Variants in TMEM135 observed in about 807,000 individuals in gnomAD.
TMEM135 encodes the protein peroxisomal membrane protein 52.
Under a neutral mutation model 60.3 loss-of-function variants are expected in TMEM135, and 30 were observed. That is an observed-to-expected ratio of 0.50 (90% CI 0.37 to 0.68). TMEM135 has a LOEUF of 0.68. TMEM135 is among the 30% of genes least tolerant of loss of function. The pLI is 0.00. For synonymous variants in TMEM135, 190 were observed against 186.7 expected (o/e 1.02, Z -0.14); for missense variants, 468 against 548.8 (o/e 0.85, Z 1.47).
intron 1 of TMEM135, among the ~76,000 whole-genome samples, chr11:87,058,374 G>C (rs1949913887): frequency 2.0e-5 from 3 of 151,860 alleles, no homozygotes; most frequent in Admixed American, 1.3e-4. Flanking sequence ...CTGTCACTCA[G>C]GCTGGAGTGC....
chr11:87,241,746 A>G (rs1213491852), intron 6 of TMEM135, among the ~76,000 whole-genome samples: 1 of 151,942 alleles, frequency 6.6e-6, no homozygotes, highest in African/African-American at 2.4e-5. Flanking sequence ...AGCTTTCATA[A>G]ATGAGGGAGA....
At chr11:87,141,593 G>T (rs1363210464) in intron 4 of TMEM135, among the ~76,000 whole-genome samples, 4 of 151,806 alleles carry the variant, frequency 2.6e-5, no homozygotes, top group Non-Finnish European at 4.4e-5. Flanking sequence ...TATTTCACTG[G>T]GTTAGAGCAT....
chr11:87,145,968 T>G lies in TMEM135; in HGVS notation c.397-11373T>G, dbSNP rs937279661. On this transcript the variant is annotated intron_variant, in intron 4 of 14. Coordinates refer to ENST00000305494, the MANE Select transcript of TMEM135 (RefSeq NM_022918.4). ...TTTGTCTATTTTTGTTTTTGTTGCC[T>G]GCACCTTTGGGATCAAATTCAAAAA... 3.3e-5 allele frequency among the ~76,000 whole-genome samples: 5 copies of G among 152,338 alleles called. No individual in the cohort carries two copies. In the South Asian group the frequency reaches 8.3e-4, roughly 25 times the overall value.
intron 1 of TMEM135, among the ~76,000 whole-genome samples, chr11:87,044,389 C>T (rs767856927): frequency 6.6e-6 from 1 of 151,978 alleles, no homozygotes; most frequent in Admixed American, 6.6e-5. Flanking sequence ...TGGTAATAGG[C>T]ATTTGTTTTT....
chr11:87,261,458 G>A (rs111753306), intron 6 of TMEM135, among the ~76,000 whole-genome samples: 92 of 152,094 alleles, frequency 6.0e-4, no homozygotes, highest in African/African-American at 1.6e-3. Context: ...AGAAGTCTCC[G>A]TTTCTTTTTA....
chr11:87,141,923 C>G (rs567294379), intron 4 of TMEM135, among the ~76,000 whole-genome samples: 1 of 152,110 alleles, frequency 6.6e-6, no homozygotes, highest in African/African-American at 2.4e-5. Flanking sequence ...GAAAGATTAG[C>G]TATTGAATGG....
chr11:87,156,297 C>G (rs1033658636), intron 4 of TMEM135, among the ~76,000 whole-genome samples: 22 of 152,024 alleles, frequency 1.4e-4, no homozygotes, highest in African/African-American at 5.3e-4. Context: ...GAAAGTGAGT[C>G]CTTCAACTTT....
At chr11:87,279,552 G>T (rs1383695633) in intron 6 of TMEM135, among the ~76,000 whole-genome samples, 2 of 152,190 alleles carry the variant, frequency 1.3e-5, no homozygotes, top group Admixed American at 1.3e-4. Flanking sequence ...AACAGGCTCA[G>T]AATGTAAACA....
Position 87,323,654 on chromosome 11 carries a change from C to A in TMEM135, c.*2321C>A, listed in dbSNP as rs2212616. On this transcript the variant is annotated 3_prime_UTR_variant, in exon 15 of 15. Transcript: ENST00000305494. ...TTTATATAGATTGAGATTGAAAAAC[C>A]GTGCATTTGGGGCAGTGGTATTATG... 7 of 453,332 alleles carry A rather than the reference C, an allele frequency of 1.5e-5. No homozygotes were observed. The Admixed American group carries it at 1.6e-4, about 11-fold the overall frequency. The allele number at this position is 453,332 out of a possible 1,614,324, so 28.1% of individuals were successfully genotyped here. A position where few individuals can be genotyped will look rare whatever the true frequency, so the allele number is the denominator to read the frequency against.
At chr11:87,205,680 A>T (rs968442027) in intron 5 of TMEM135, among the ~76,000 whole-genome samples, 1 of 152,190 alleles carries the variant, frequency 6.6e-6, no homozygotes, top group Non-Finnish European at 1.5e-5. Flanking sequence ...TGTGATGTTA[A>T]TGTTGTAGGT....
At chr11:87,289,582 G>A (rs754997263) in intron 6 of TMEM135, among the ~76,000 whole-genome samples, 5 of 151,078 alleles carry the variant, frequency 3.3e-5, no homozygotes, top group Non-Finnish European at 5.9e-5. Flanking sequence ...TCAGCCTCCC[G>A]AGTAGCTGGA....
chr11:87,129,544 ATTTT>A (rs371919827), intron 4 of TMEM135, among the ~76,000 whole-genome samples: 1,510 of 125,652 alleles, frequency 0.012, 37 homozygotes, highest in African/African-American at 0.044. Flanking sequence ...TGCTTGGCCA[ATTTT>A]TTTTTTTTTT....
intron 9 of TMEM135, among the ~76,000 whole-genome samples, chr11:87,307,653 A>G (rs557529930): frequency 2.6e-5 from 4 of 152,336 alleles, no homozygotes; most frequent in South Asian, 2.1e-4. Flanking sequence ...TTGGCAATTT[A>G]TGTATACATT....
At chr11:87,254,718 G>A (rs1941486447) in intron 6 of TMEM135, among the ~76,000 whole-genome samples, 1 of 152,146 alleles carries the variant, frequency 6.6e-6, no homozygotes, top group Non-Finnish European at 1.5e-5. Flanking sequence ...TAAAGCAAAA[G>A]GACTGGGAAT....
chr11:87,158,957 T>C (rs1006345519), intron 5 of TMEM135, among the ~76,000 whole-genome samples: 3 of 152,198 alleles, frequency 2.0e-5, no homozygotes, highest in Non-Finnish European at 4.4e-5. Flanking sequence ...ATATATTTTT[T>C]TCATAGGGTG....
chr11:87,079,438 T>C (rs915565924), intron 3 of TMEM135, among the ~76,000 whole-genome samples: 4 of 152,224 alleles, frequency 2.6e-5, no homozygotes, highest in African/African-American at 9.6e-5. Context: ...TTTGTTAATA[T>C]GACATATAAA....
At chr11:87,224,452 G>A (rs1940721850) in intron 5 of TMEM135, among the ~76,000 whole-genome samples, 3 of 152,066 alleles carry the variant, frequency 2.0e-5, no homozygotes, top group Non-Finnish European at 4.4e-5. Flanking sequence ...TTGTTATGTG[G>A]CCTTGCTGTG....
chr11:87,133,888 G>A (rs76678643), intron 4 of TMEM135, among the ~76,000 whole-genome samples: 5,139 of 152,102 alleles, frequency 0.034, 259 homozygotes, highest in African/African-American at 0.11. Context: ...TTGCCGATAA[G>A]CATTCTGTTG....
chr11:87,261,493 TAC>T (rs749889120), intron 6 of TMEM135, among the ~76,000 whole-genome samples: 11 of 152,322 alleles, frequency 7.2e-5, no homozygotes, highest in African/African-American at 1.2e-4. Context: ...GTATAAATAA[TAC>T]AGTTTCATTT....
Sources: gnomAD v4.1 joint callset for allele counts (sites outside exome capture counted in the v4.1 genomes callset) on GRCh38, gnomAD v4.1.1 for gene constraint, MANE v1.5 for transcripts, NCBI Gene and HGNC (gene_info 2026-07-23, HGNC 2026-07-21) for gene names.